Variants in PCLO observed in about 807,000 individuals in gnomAD.
The protein encoded by PCLO is piccolo presynaptic cytomatrix protein.
PCLO carries 82 observed loss-of-function variants against 427.5 expected under a neutral mutation model. That is an observed-to-expected ratio of 0.19 (90% CI 0.16 to 0.23). The LOEUF is 0.23. Ranked by LOEUF, PCLO falls within the 10% of genes least tolerant of loss-of-function variation. The probability of loss-of-function intolerance (pLI) is 1.00; values close to 1 mark genes in which losing one functional copy is unlikely to be tolerated. For synonymous variants in PCLO, 2,357 were observed against 2,155.4 expected (o/e 1.09, Z -2.59); for missense variants, 6,239 against 6,115.9 (o/e 1.02, Z -0.67).
chr7:83,072,613 T>C lies in PCLO; in HGVS notation c.3300+61637A>G, dbSNP rs73163024. 9.3e-4 allele frequency among the ~76,000 whole-genome samples: 141 copies of C among 152,196 alleles called. No homozygotes were observed. In the Middle Eastern group the frequency reaches 0.01, roughly 11 times the overall value. On this transcript the variant is annotated intron_variant, in intron 3 of 24. Transcript: ENST00000333891. ...GAGACCTTGGCCATATTACCTCATT[T>C]TTCTGGGAGTCACCTTATTCAGCTA...
chr7:82,898,767 G>T (rs1321655700), intron 9 of PCLO, among the ~76,000 whole-genome samples: 2 of 151,414 alleles, frequency 1.3e-5, no homozygotes, highest in Admixed American at 6.6e-5. Flanking sequence ...TTTTATTATG[G>T]AAAATTTATA....
At chr7:83,103,763 C>A (rs1490174942) in intron 3 of PCLO, among the ~76,000 whole-genome samples, 1 of 151,780 alleles carries the variant, frequency 6.6e-6, no homozygotes, top group Non-Finnish European at 1.5e-5. Flanking sequence ...TACAAAACAA[C>A]AACAAATGCA....
At chr7:82,845,019 G>A (rs528722467) in intron 13 of PCLO, among the ~76,000 whole-genome samples, 24 of 152,070 alleles carry the variant, frequency 1.6e-4, no homozygotes, top group South Asian at 2.1e-4. Flanking sequence ...AAAATATAAA[G>A]TATCAGAGAC....
intron 2 of PCLO, among the ~76,000 whole-genome samples, chr7:83,150,776 C>T (rs185157279): frequency 1.1e-4 from 17 of 152,022 alleles, no homozygotes; most frequent in Admixed American, 7.9e-4. Flanking sequence ...CCATACATTA[C>T]GCAAGCAAAG....
At chr7:83,057,317 C>CATATATATACATATATATAT (rs1789407349) in intron 3 of PCLO, among the ~76,000 whole-genome samples, 1 of 25,874 alleles carries the variant, frequency 3.9e-5, no homozygotes, top group Non-Finnish European at 6.2e-5. Flanking sequence ...ATTATATATA[C>CATATATATACATATATATAT]ATATATATAT....
At chr7:83,001,865 G>A (rs1787832594) in intron 3 of PCLO, among the ~76,000 whole-genome samples, 1 of 151,942 alleles carries the variant, frequency 6.6e-6, no homozygotes, top group African/African-American at 2.4e-5. Flanking sequence ...GTTTGTTGAT[G>A]TTCAATTCAC....
chr7:83,061,651 T>C (rs752301704), intron 3 of PCLO, among the ~76,000 whole-genome samples: 12 of 152,194 alleles, frequency 7.9e-5, no homozygotes, highest in Non-Finnish European at 1.6e-4. Flanking sequence ...TTCAACTCCC[T>C]TTCTAGTATA....
intron 3 of PCLO, among the ~76,000 whole-genome samples, chr7:82,991,195 C>G (rs1044122817): frequency 4.6e-5 from 7 of 152,048 alleles, no homozygotes; most frequent in Admixed American, 4.6e-4. Context: ...CTTTATGTGT[C>G]TATTTATAGT....
intron 9 of PCLO, among the ~76,000 whole-genome samples, chr7:82,897,871 G>T (rs1402850009): frequency 6.6e-6 from 1 of 151,316 alleles, no homozygotes; most frequent in South Asian, 2.1e-4. Context: ...TTGGTTTGGG[G>T]AAACATATCC....
intron 10 of PCLO, among the ~76,000 whole-genome samples, chr7:82,877,340 G>T (rs1793397571): frequency 6.6e-6 from 1 of 152,030 alleles, no homozygotes; most frequent in Non-Finnish European, 1.5e-5. Flanking sequence ...TTTGCCAAAT[G>T]ATACTAGACA....
intron 3 of PCLO, among the ~76,000 whole-genome samples, chr7:83,014,051 G>GTT (rs1788149575): frequency 6.6e-6 from 1 of 152,104 alleles, no homozygotes; most frequent in South Asian, 2.1e-4. Context: ...AGAGCAACCA[G>GTT]TATTTATTGA....
chr7:82,815,259 G>A (rs536033145), intron 20 of PCLO, among the ~76,000 whole-genome samples: 1 of 151,998 alleles, frequency 6.6e-6, no homozygotes, highest in South Asian at 2.1e-4. Flanking sequence ...AATGATAATT[G>A]GCAGGCATAA....
rs756840757 is a variant in PCLO, at chr7:82,953,057, T to A, written c.7896A>T (p.Pro2632=). The change falls in exon 5 of 25, where the codon CCA becomes CCT. Residue 2632 remains proline, a synonymous_variant. Coordinates refer to ENST00000333891, the MANE Select transcript of PCLO (RefSeq NM_033026.6). ...TGTAGAAGGTCTGTTCTGAAGAAAT[T>A]GGAATTTCTACAGCTGTCACAGGAG... ...VVPPVTAVEI[P]ISSEQTFYIS... 1.2e-5 allele frequency: 19 copies of A among 1,613,928 alleles called. No individual in the cohort carries two copies. The highest frequency in any genetic ancestry group is 1.6e-4 in the Middle Eastern group (1 of 6,062).
At chr7:82,822,170 T>A in intron 20 of PCLO, 1 of 1,117,064 alleles carries the variant, frequency 9.0e-7, no homozygotes, top group Non-Finnish European at 1.1e-6. Flanking sequence ...CTAAAAGATA[T>A]TTAAGCGCAA....
intron 3 of PCLO, among the ~76,000 whole-genome samples, chr7:82,982,327 C>T (rs1216511913): frequency 1.3e-5 from 2 of 152,036 alleles, no homozygotes; most frequent in South Asian, 2.1e-4. Context: ...GGATGAGACT[C>T]AGGGAAGGCT....
At chr7:83,028,404 T>C (rs13246059) in intron 3 of PCLO, among the ~76,000 whole-genome samples, 39 of 146,484 alleles carry the variant, frequency 2.7e-4, no homozygotes, top group African/African-American at 8.6e-4. Context: ...TTACAAGGGA[T>C]GTGAAGGACC....
chr7:83,063,400 A>C (rs7786051), intron 3 of PCLO, among the ~76,000 whole-genome samples: 4 of 151,906 alleles, frequency 2.6e-5, no homozygotes, highest in African/African-American at 9.7e-5. Flanking sequence ...TTTTTGACTT[A>C]ACAATGGTGC....
At chr7:82,901,358 A>C (rs1164203633) in intron 9 of PCLO, among the ~76,000 whole-genome samples, 1 of 152,058 alleles carries the variant, frequency 6.6e-6, no homozygotes, top group East Asian at 1.9e-4. Flanking sequence ...TTAGAATAAA[A>C]ACTGGCTAGC....
chr7:83,090,888 A>T (rs1259265992), intron 3 of PCLO, among the ~76,000 whole-genome samples: 1 of 152,090 alleles, frequency 6.6e-6, no homozygotes, highest in Admixed American at 6.6e-5. Flanking sequence ...TCCTATTAGG[A>T]GTACTTCCTT....
Sources: gnomAD v4.1 joint callset for allele counts (sites outside exome capture counted in the v4.1 genomes callset) on GRCh38, gnomAD v4.1.1 for gene constraint, MANE v1.5 for transcripts, NCBI Gene and HGNC (gene_info 2026-07-23, HGNC 2026-07-21) for gene names.